The following SCN3A variants were observed in gnomAD, a reference collection of about 807,000 sequenced individuals.
The protein encoded by SCN3A is sodium voltage-gated channel alpha subunit 3, also known as sodium channel protein type 3 subunit alpha.
SCN3A carries 60 observed loss-of-function variants against 187.6 expected under a neutral mutation model. That is an observed-to-expected ratio of 0.32 (90% CI 0.26 to 0.40). The LOEUF is 0.40. SCN3A is among the 10% of genes least tolerant of loss of function. The pLI, the probability that SCN3A is intolerant of heterozygous loss-of-function variation, is 1.00. For missense variants in SCN3A, 1,601 were observed against 2,428.2 expected (o/e 0.66, Z 7.16); for synonymous variants, 788 against 829.2 (o/e 0.95, Z 0.85).
intron 1 of SCN3A, among the ~76,000 whole-genome samples, chr2:165,193,504 T>C (rs554815684): frequency 1.3e-5 from 2 of 152,254 alleles, no homozygotes; most frequent in African/African-American, 4.8e-5. Flanking sequence ...ATCCCTTTCC[T>C]ACCCCAACAT....
chr2:165,159,591 G>T (rs1445360681), intron 9 of SCN3A, among the ~76,000 whole-genome samples: 2 of 133,736 alleles, frequency 1.5e-5, no homozygotes, highest in African/African-American at 6.2e-5. Context: ...TCAAACTCTT[G>T]GGCTCAAATG....
chr2:165,199,024 T>C (rs1186211858), intron 1 of SCN3A, among the ~76,000 whole-genome samples: 1 of 152,000 alleles, frequency 6.6e-6, no homozygotes, highest in African/African-American at 2.4e-5. Context: ...GAAATATGAA[T>C]TGGAATTTAG....
intron 1 of SCN3A, among the ~76,000 whole-genome samples, chr2:165,189,462 T>G (rs1691458986): frequency 6.6e-6 from 1 of 152,146 alleles, no homozygotes; most frequent in Non-Finnish European, 1.5e-5. Flanking sequence ...TTAATAAAAT[T>G]TCAGCATTTT....
chr2:165,182,206 G>A (rs572662183), intron 2 of SCN3A, among the ~76,000 whole-genome samples: 4 of 152,102 alleles, frequency 2.6e-5, no homozygotes, highest in Non-Finnish European at 4.4e-5. Context: ...TCTATACTTC[G>A]AGAACAACTG....
At chr2:165,111,530 C>T (rs991312163) in intron 21 of SCN3A, among the ~76,000 whole-genome samples, 2 of 130,406 alleles carry the variant, frequency 1.5e-5, no homozygotes, top group Admixed American at 1.5e-4. Flanking sequence ...CACACACACA[C>T]ATTTACCTAT....
At chr2:165,184,494 A>G (rs538742274) in intron 2 of SCN3A, among the ~76,000 whole-genome samples, 29 of 139,214 alleles carry the variant, frequency 2.1e-4, no homozygotes, top group Non-Finnish European at 2.9e-4. Flanking sequence ...AAAAAAAAAA[A>G]AAAAAGAAAA....
intron 13 of SCN3A, among the ~76,000 whole-genome samples, chr2:165,139,952 T>G (rs1687903459): frequency 6.6e-6 from 1 of 152,138 alleles, no homozygotes; most frequent in African/African-American, 2.4e-5. Flanking sequence ...TATTTTTATC[T>G]TCTATCAATG....
At chr2:165,184,068 AAATTTTCACTGAGAGCT>A (rs1166925969) in intron 2 of SCN3A, among the ~76,000 whole-genome samples, 2 of 152,128 alleles carry the variant, frequency 1.3e-5, no homozygotes, top group Non-Finnish European at 2.9e-5. Context: ...TTTCCCAGTG[AAATTTTCACTGAGAGCT>A]AATGATTGTC....
At position 165,138,806 on chromosome 2, in the gene SCN3A, T is replaced by C. The variant is rs201882567; in HGVS notation, c.2152+670A>G. On this transcript the variant is annotated intron_variant, in intron 14 of 27. Transcript: ENST00000283254. ...TGTAATTGATGTTTTCTAAAGAACATATGTTAGAATTGACATATAATTGAT... is the reference window on the plus strand; with the variant it reads ...TGTAATTGATGTTTTCTAAAGAACACATGTTAGAATTGACATATAATTGAT... 1.4e-4 allele frequency among the ~76,000 whole-genome samples: 21 copies of C among 152,292 alleles called. No homozygotes were observed. In the East Asian group the frequency reaches 4.0e-3, roughly 29 times the overall value.
chr2:165,174,853 A>G (rs901133771), intron 3 of SCN3A, among the ~76,000 whole-genome samples: 4 of 152,218 alleles, frequency 2.6e-5, no homozygotes, highest in African/African-American at 7.2e-5. Flanking sequence ...ATAAAAGGGG[A>G]AAAAGGAGAC....
chr2:165,140,628 G>T lies in SCN3A; in HGVS notation c.2019+23C>A. ...TTCAAATTGGTGAATAATGTCAGTAGCAGCTAGGTCATCTATTATCACCTC... is the reference window on the plus strand; with the variant it reads ...TTCAAATTGGTGAATAATGTCAGTATCAGCTAGGTCATCTATTATCACCTC... On this transcript the variant is annotated intron_variant, in intron 13 of 27. Coordinates refer to ENST00000283254, the MANE Select transcript of SCN3A (RefSeq NM_006922.4). The surrounding 1 kb of genome is among the most constrained non-coding windows in gnomAD (Gnocchi z 4.2). 6.3e-7 allele frequency: 1 copy of T among 1,587,442 alleles called. No homozygotes were observed. The highest frequency in any genetic ancestry group is 8.7e-7 in the Non-Finnish European group (1 of 1,155,808).
At position 165,168,717 on chromosome 2, in the gene SCN3A, A is replaced by G; in HGVS notation, c.473+19T>C. ...ATTTGAGTGTGCATTTCTCATTCCC[A>G]GAAGTTATTCCTACTTACTCTACAT... On this transcript the variant is annotated intron_variant, in intron 5 of 27. Transcript: ENST00000283254. 2.6e-6 allele frequency: 4 copies of G among 1,534,204 alleles called. No homozygotes were observed. The highest frequency in any genetic ancestry group is 3.6e-6 in the Non-Finnish European group (4 of 1,107,700).
At chr2:165,134,975 C>G (rs1012710347) in intron 15 of SCN3A, among the ~76,000 whole-genome samples, 1 of 151,960 alleles carries the variant, frequency 6.6e-6, no homozygotes, top group African/African-American at 2.4e-5. Context: ...CGCCATAAAA[C>G]TTTTCATTAA....
intron 12 of SCN3A, among the ~76,000 whole-genome samples, chr2:165,144,286 A>T (rs940898293): frequency 1.3e-5 from 2 of 152,158 alleles, no homozygotes; most frequent in African/African-American, 2.4e-5. Flanking sequence ...CTTTACTGGG[A>T]TATGCAAATT....
rs1284530375 is a variant in SCN3A at position 165,088,165 on chromosome 2, TTTGGC to T, written c.*1980_*1984del. On this transcript the variant is annotated 3_prime_UTR_variant, in exon 28 of 28. Coordinates refer to ENST00000283254, the MANE Select transcript of SCN3A (RefSeq NM_006922.4). Reference sequence around the variant, plus strand: ...TGCAATAAAAAATGAAATTTATTCTTTTGGCTCAATAATGACGTAGCTCACCATTC... The same window carrying T: ...TGCAATAAAAAATGAAATTTATTCTTTCAATAATGACGTAGCTCACCATTC... The T allele has an allele frequency of 6.6e-6, 1 of 152,568 alleles. No homozygotes were observed. The highest frequency in any genetic ancestry group is 2.4e-5 in the African/African-American group (1 of 41,454). 9.5% of individuals were successfully genotyped at this position (152,568 alleles called of 1,614,324 possible). A position where few individuals can be genotyped will look rare whatever the true frequency, so the allele number is the denominator to read the frequency against.
Position 165,091,348 on chromosome 2 carries a change from A to T in SCN3A, c.4808-3T>A, listed in dbSNP as rs1387876951. The T allele has an allele frequency of 6.2e-7, 1 of 1,613,852 alleles. No individual in the cohort carries two copies. The highest frequency in any genetic ancestry group is 1.7e-5 in the Admixed American group (1 of 59,986). ...TATCATCTCAGCCAGAAACATACCT[A>T]TGGAAAACATAGAACACAGCTAAAC... On this transcript the variant is annotated splice_region_variant and splice_polypyrimidine_tract_variant and intron_variant, in intron 27 of 27. Transcript: ENST00000283254.
At chr2:165,157,338 T>A (rs1341592871) in intron 9 of SCN3A, among the ~76,000 whole-genome samples, 1 of 152,228 alleles carries the variant, frequency 6.6e-6, no homozygotes, top group Admixed American at 6.5e-5. Context: ...TTGTTTTTGA[T>A]GACCACAACA....
intron 18 of SCN3A, 64 bp from the exon 19 acceptor site, chr2:165,115,639 A>G: frequency 6.6e-7 from 1 of 1,517,734 alleles, no homozygotes; most frequent in Non-Finnish European, 9.2e-7. Flanking sequence ...ACTGGGAAAT[A>G]CTGTGTCATT....
chr2:165,155,287 T>C (rs1237090195), intron 10 of SCN3A, among the ~76,000 whole-genome samples: 1 of 152,198 alleles, frequency 6.6e-6, no homozygotes, highest in African/African-American at 2.4e-5. Context: ...ACTTGCTTTA[T>C]GTTGGACCTT....
Sources: allele counts gnomAD v4.1 joint callset (sites outside exome capture counted in the v4.1 genomes callset), GRCh38; gene constraint gnomAD v4.1.1; non-coding constraint Gnocchi (gnomAD v3.1); transcripts MANE v1.5; gene names NCBI Gene and HGNC (gene_info 2026-07-23, HGNC 2026-07-21).